ZMYM2: variants seen among roughly 807,000 people sequenced by gnomAD.
ZMYM2 encodes zinc finger MYM-type containing 2.
ZMYM2 carries 56 observed loss-of-function variants against 162.8 expected under a neutral mutation model. That is an observed-to-expected ratio of 0.34 (90% confidence interval 0.28 to 0.43). The LOEUF (loss-of-function observed/expected upper bound fraction) is 0.43. Among genes scored for constraint, ZMYM2 ranks in the 20% least tolerant of loss-of-function variants. The pLI, the probability that ZMYM2 is intolerant of heterozygous loss-of-function variation, is 1.00. For missense variants in ZMYM2, 1,275 were observed against 1,621.8 expected (o/e 0.79, Z 3.67); for synonymous variants, 510 against 541.6 (o/e 0.94, Z 0.81).
At chr13:19,975,830 T>G (rs545223619) in intron 2 of ZMYM2, among the ~76,000 whole-genome samples, 2 of 152,226 alleles carry the variant, frequency 1.3e-5, no homozygotes, top group East Asian at 3.9e-4. Context: ...TCAGCACTTT[T>G]CTTTTTTTAA....
intron 19 of ZMYM2, 144 bp from the exon 20 acceptor site, chr13:20,066,707 C>T (rs12859101): frequency 0.17 from 113,576 of 665,364 alleles, 11,246 homozygotes; most frequent in South Asian, 0.22. Flanking sequence ...GAAAAACATA[C>T]GTGTCCAAGT....
At chr13:19,977,737 A>G (rs1206324436) in intron 2 of ZMYM2, among the ~76,000 whole-genome samples, 3 of 150,168 alleles carry the variant, frequency 2.0e-5, no homozygotes, top group African/African-American at 4.9e-5. Flanking sequence ...TGGTCCACCC[A>G]CCTCAGCCTC....
intron 2 of ZMYM2, among the ~76,000 whole-genome samples, chr13:19,960,828 C>G (rs926115461): frequency 6.6e-6 from 1 of 152,182 alleles, no homozygotes; most frequent in East Asian, 1.9e-4. Context: ...CACATTATGT[C>G]TCTGGAGCCC....
the ZMYM2 span, among the ~76,000 whole-genome samples, chr13:19,867,014 G>T: frequency 3.9e-5 from 6 of 152,228 alleles, no homozygotes; most frequent in African/African-American, 1.4e-4. Flanking sequence ...AAAATAAACC[G>T]TAGAGGAAAT....
At chr13:19,931,179 A>C in the ZMYM2 span, among the ~76,000 whole-genome samples, 74 of 151,320 alleles carry the variant, frequency 4.9e-4, 1 homozygote, top group Admixed American at 4.3e-3. Flanking sequence ...AATTTAAACA[A>C]GGACATTTTA....
the ZMYM2 span, among the ~76,000 whole-genome samples, chr13:19,934,516 T>C: frequency 6.6e-6 from 1 of 152,188 alleles, no homozygotes. Context: ...CTCATAATAA[T>C]ACAAGCTTGT....
At chr13:19,933,395 A>T in the ZMYM2 span, among the ~76,000 whole-genome samples, 3 of 152,186 alleles carry the variant, frequency 2.0e-5, no homozygotes, top group East Asian at 5.8e-4. Context: ...AAATATCTGT[A>T]TATTAACTGT....
rs958890057 is a variant in ZMYM2, at chr13:20,086,021, A to ATTC, written c.*7_*8insTTC. The ATTC allele has an allele frequency of 1.2e-6, 2 of 1,611,986 alleles. No homozygotes were observed. The highest frequency in any genetic ancestry group is 2.7e-5 in the African/African-American group (2 of 74,874). ...GGATGAAGACACAGACTAAAAAGGA[A>ATTC]CGTTGCAGAAGCAATCGGGATAAAA... On this transcript the variant is annotated 3_prime_UTR_variant, in exon 25 of 25. Coordinates refer to ENST00000610343, the MANE Select transcript of ZMYM2 (RefSeq NM_197968.4).
At chr13:20,079,003 G>A (rs1283719004) in intron 21 of ZMYM2, among the ~76,000 whole-genome samples, 3 of 151,186 alleles carry the variant, frequency 2.0e-5, no homozygotes, top group Admixed American at 6.6e-5. Flanking sequence ...CTTAAAAAAG[G>A]AATTTATATT....
the ZMYM2 span, among the ~76,000 whole-genome samples, chr13:19,905,064 T>A: frequency 2.1e-3 from 316 of 148,298 alleles, 1 homozygote; most frequent in African/African-American, 5.9e-3. Flanking sequence ...CAGGCTGGAG[T>A]GCAGTGGCAC....
rs1408305163 is a variant in ZMYM2, at chr13:20,061,183, T to A, written c.2870T>A (p.Met957Lys). Residue 957 changes from methionine (M) to lysine (K), a missense_variant, in exon 17 of 25, where the codon ATG (methionine) becomes AAG (lysine). This residue lies in a region of ZMYM2 where 229 missense variants were observed against 283.8 expected (regional missense o/e 0.81). Transcript: ENST00000610343. ...DTELLTMTDM[M>K]SEDEGKTETT... Reference sequence around the variant, plus strand: ...GAGTTGCTTACAATGACGGATATGATGAGTGAAGACGAGGGGAAAACAGAG... The same window carrying A: ...GAGTTGCTTACAATGACGGATATGAAGAGTGAAGACGAGGGGAAAACAGAG... 1 of 1,613,776 alleles carries A rather than the reference T, an allele frequency of 6.2e-7. No individual in the cohort carries two copies. The highest frequency in any genetic ancestry group is 8.5e-7 in the Non-Finnish European group (1 of 1,179,824).
At chr13:19,983,441 C>T (rs148957580) in intron 2 of ZMYM2, among the ~76,000 whole-genome samples, 15,494 of 151,870 alleles carry the variant, frequency 0.1, 1,305 homozygotes, top group African/African-American at 0.22. Context: ...CCACCGTGCC[C>T]GGCCTCACAT....
the ZMYM2 span, among the ~76,000 whole-genome samples, chr13:19,904,556 C>T: frequency 6.6e-6 from 1 of 151,934 alleles, no homozygotes; most frequent in Admixed American, 6.6e-5. Context: ...GAAACTCCAT[C>T]TCAAAAAAAA....
chr13:19,875,106 C>T, the ZMYM2 span, among the ~76,000 whole-genome samples: 2 of 152,180 alleles, frequency 1.3e-5, no homozygotes, highest in African/African-American at 4.8e-5. Flanking sequence ...ACCAAAAAGA[C>T]GTCTGCACTA....
At chr13:19,927,770 A>G in the ZMYM2 span, among the ~76,000 whole-genome samples, 1 of 152,172 alleles carries the variant, frequency 6.6e-6, no homozygotes, top group African/African-American at 2.4e-5. Context: ...CCATGTATAG[A>G]TAGTCTCTCT....
At chr13:19,923,739 T>C in the ZMYM2 span, among the ~76,000 whole-genome samples, 4 of 147,342 alleles carry the variant, frequency 2.7e-5, no homozygotes, top group Non-Finnish European at 5.9e-5. Flanking sequence ...GGCATGATCT[T>C]GGCTCACTTC....
the ZMYM2 span, among the ~76,000 whole-genome samples, chr13:19,906,538 AT>A: frequency 0.71 from 97,896 of 138,022 alleles, 33,395 homozygotes; most frequent in East Asian, 0.85. Flanking sequence ...ATATATATAT[AT>A]TTTTTTTGTT....
Position 20,024,785 on chromosome 13 carries a change from C to G in ZMYM2, c.1585-1827C>G, listed in dbSNP as rs1233327622. The G allele has an allele frequency of 1.4e-5, 3 of 215,764 alleles. No homozygotes were observed. In the East Asian group the frequency reaches 2.1e-4, roughly 15 times the overall value. 13.4% of individuals were successfully genotyped at this position (215,764 alleles called of 1,614,324 possible). On this transcript the variant is annotated intron_variant, in intron 7 of 24. Transcript: ENST00000610343. ...TGTTTGCAGCCATTTTTATTTTTTC[C>G]TTGTCACCATTCTTTTGCAGTTGAC...
chr13:19,938,643 C>T, the ZMYM2 span, among the ~76,000 whole-genome samples: 1 of 152,048 alleles, frequency 6.6e-6, no homozygotes, highest in Admixed American at 6.6e-5. Context: ...ATAGACTAGA[C>T]CAAGCAAAAC....
Sources: allele counts gnomAD v4.1 joint callset (sites outside exome capture counted in the v4.1 genomes callset), GRCh38; gene constraint gnomAD v4.1.1; regional missense constraint gnomAD v4.1.1; transcripts MANE v1.5; gene names NCBI Gene and HGNC (gene_info 2026-07-23, HGNC 2026-07-21).